The following PTPRN2 variants were observed in gnomAD, a reference collection of about 807,000 sequenced individuals.
The protein encoded by PTPRN2 is receptor-type tyrosine-protein phosphatase N2.
A neutral mutation model predicts 118.8 loss-of-function variants in PTPRN2; 74 were observed. That is an observed-to-expected ratio of 0.62 (90% CI 0.52 to 0.76). The LOEUF (loss-of-function observed/expected upper bound fraction) is 0.76. Among genes scored for constraint, PTPRN2 ranks in the 30% least tolerant of loss-of-function variants. PTPRN2 has a pLI of 0.00. For missense variants in PTPRN2, 1,481 were observed against 1,394.4 expected, an observed-to-expected ratio of 1.06 and a Z score of -0.99; for synonymous variants, 641 against 608.0, an observed-to-expected ratio of 1.05 and a Z score of -0.80.
intron 13 of PTPRN2, among the ~76,000 whole-genome samples, chr7:157,677,955 G>A (rs928908191): frequency 3.3e-5 from 5 of 152,170 alleles, no homozygotes; most frequent in South Asian, 2.1e-4. Context: ...CTGCAAAACC[G>A]AATCCACGTC....
chr7:158,579,110 A>T (rs1828499864), intron 1 of PTPRN2, among the ~76,000 whole-genome samples: 1 of 152,188 alleles, frequency 6.6e-6, no homozygotes. Flanking sequence ...CAAAGGGATG[A>T]TGTGAAATAA....
intron 15 of PTPRN2, among the ~76,000 whole-genome samples, chr7:157,605,991 T>C (rs1475818147): frequency 7.9e-5 from 12 of 152,246 alleles, no homozygotes; most frequent in Non-Finnish European, 1.8e-4. Flanking sequence ...CTGCCATTCA[T>C]GGCACCCAGG....
chr7:158,185,805 A>G (rs1211417968), intron 5 of PTPRN2, among the ~76,000 whole-genome samples: 2 of 152,182 alleles, frequency 1.3e-5, no homozygotes, highest in Non-Finnish European at 1.5e-5. Flanking sequence ...AGGTTTCTGA[A>G]CCATGGGGGA....
chr7:157,846,883 T>C (rs1282129259), intron 12 of PTPRN2, among the ~76,000 whole-genome samples: 4 of 139,112 alleles, frequency 2.9e-5, no homozygotes, highest in African/African-American at 5.5e-5. Flanking sequence ...TGCCCGATGT[T>C]TACAGAGCCC....
chr7:158,151,495 C>A, intron 6 of PTPRN2, among the ~76,000 whole-genome samples: 1 of 117,584 alleles, frequency 8.5e-6, no homozygotes, highest in African/African-American at 3.2e-5. Flanking sequence ...CCTGCCCACA[C>A]CGCCCGCCTT....
chr7:157,873,750 G>C (rs2151269119), intron 12 of PTPRN2, among the ~76,000 whole-genome samples: 1 of 152,246 alleles, frequency 6.6e-6, no homozygotes, highest in African/African-American at 2.4e-5. Context: ...CTCTGGGATG[G>C]GCAGAGGGCC....
chr7:158,359,705 A>G (rs1207156283), intron 2 of PTPRN2, among the ~76,000 whole-genome samples: 1 of 152,226 alleles, frequency 6.6e-6, no homozygotes, highest in Admixed American at 6.5e-5. Context: ...AACATTAATG[A>G]GCAGTAATGT....
intron 11 of PTPRN2, among the ~76,000 whole-genome samples, chr7:158,067,727 G>A (rs1444576169): frequency 1.3e-5 from 2 of 152,150 alleles, no homozygotes; most frequent in African/African-American, 2.4e-5. Context: ...GTGAGTGAGT[G>A]AGCACTGTTC....
intron 12 of PTPRN2, among the ~76,000 whole-genome samples, chr7:157,862,282 A>C (rs1027099212): frequency 6.6e-6 from 1 of 152,190 alleles, no homozygotes; most frequent in Non-Finnish European, 1.5e-5. Flanking sequence ...GGACTTCAAC[A>C]TATCTTTCTG....
intron 1 of PTPRN2, among the ~76,000 whole-genome samples, chr7:158,543,837 C>T (rs1037724535): frequency 6.6e-6 from 1 of 152,228 alleles, no homozygotes; most frequent in South Asian, 2.1e-4. Context: ...GTCTGGGTCT[C>T]GGAGCCCAGG....
chr7:158,342,102 G>C (rs1293862998), intron 2 of PTPRN2, among the ~76,000 whole-genome samples: 11 of 139,688 alleles, frequency 7.9e-5, no homozygotes, highest in South Asian at 2.3e-4. Flanking sequence ...ACCTGCAGAC[G>C]TCACTCACAC....
intron 3 of PTPRN2, among the ~76,000 whole-genome samples, chr7:158,206,117 G>A (rs1827123665): frequency 6.6e-6 from 1 of 152,140 alleles, no homozygotes; most frequent in Non-Finnish European, 1.5e-5. Flanking sequence ...GGGTGCTAGT[G>A]TCACCCTTCC....
rs1342688435 is a variant in PTPRN2 at position 157,763,852 on chromosome 7, G to T, written c.1789-80915C>A. On this transcript the variant is annotated intron_variant, in intron 12 of 22. Coordinates refer to ENST00000389418, the MANE Select transcript of PTPRN2 (RefSeq NM_002847.5). The surrounding 1 kb of genome is among the most constrained non-coding windows in gnomAD (Gnocchi z 4.9). The stretch of plus-strand genomic sequence containing the variant: ...TGTGTGGCCACTGCCCCATGTGGCT[G>T]CCCCATCCCCCAGAGCACCACGGTG... Among the ~76,000 whole-genome samples the T allele has an allele frequency of 2.0e-5, 3 of 152,032 alleles. No homozygotes were observed. The highest frequency in any genetic ancestry group is 6.5e-5 in the Admixed American group (1 of 15,274).
chr7:158,143,765 T>A (rs551083954), intron 6 of PTPRN2, among the ~76,000 whole-genome samples: 1 of 152,220 alleles, frequency 6.6e-6, no homozygotes, highest in African/African-American at 2.4e-5. Flanking sequence ...CCTCCAAGTG[T>A]GGTAGAACAA....
intron 11 of PTPRN2, among the ~76,000 whole-genome samples, chr7:158,009,078 A>T (rs1432390601): frequency 6.6e-6 from 1 of 152,076 alleles, no homozygotes; most frequent in East Asian, 1.9e-4. Flanking sequence ...CATAGCAGGA[A>T]TTCTTCTCAT....
At chr7:158,244,903 CA>C (rs901235149) in intron 3 of PTPRN2, among the ~76,000 whole-genome samples, 3 of 152,160 alleles carry the variant, frequency 2.0e-5, no homozygotes, top group Non-Finnish European at 2.9e-5. Context: ...CAGTGTCTCC[CA>C]GTGTGACAGA....
chr7:158,134,272 A>G lies in PTPRN2; in HGVS notation c.1174-213T>C, dbSNP rs566618976. 5.9e-5 allele frequency among the ~76,000 whole-genome samples: 9 copies of G among 152,246 alleles called. No individual in the cohort carries two copies. The East Asian group carries it at 1.4e-3, about 23-fold the overall frequency. On this transcript the variant is annotated intron_variant, in intron 8 of 22. Transcript: ENST00000389418. ...AGGGCGCTGAGTATCCGAATCACTT[A>G]CGTGCTGTTTTCTCCTCCCTCCCGC...
rs997516034 is a variant in PTPRN2 at position 157,615,286 on chromosome 7, C to A, written c.2344+6076G>T. On this transcript the variant is annotated intron_variant, in intron 15 of 22. Coordinates refer to ENST00000389418, the MANE Select transcript of PTPRN2 (RefSeq NM_002847.5). The surrounding 1 kb of genome is among the most constrained non-coding windows in gnomAD (Gnocchi z 4.3). ...CCACACTTCTGCTCCAGAGAGGGCC[C>A]TGCAAGAGCGGTGTGCGTGGGTTGC... is the stretch of plus-strand genomic sequence containing the variant. 5.5e-6 allele frequency: 2 copies of A among 363,194 alleles called. No homozygotes were observed. The highest frequency in any genetic ancestry group is 4.3e-5 in the African/African-American group (2 of 46,956). 22.5% of individuals were successfully genotyped at this position (363,194 alleles called of 1,614,324 possible). A position where few individuals can be genotyped will look rare whatever the true frequency, so the allele number is the denominator to read the frequency against.
At chr7:157,556,197 G>A (rs182587945) in intron 21 of PTPRN2, among the ~76,000 whole-genome samples, 14 of 152,242 alleles carry the variant, frequency 9.2e-5, no homozygotes, top group East Asian at 1.9e-4. Context: ...CACACTACAC[G>A]CATGCAGATA....
Sources: gnomAD v4.1 joint callset for allele counts (sites outside exome capture counted in the v4.1 genomes callset) on GRCh38, gnomAD v4.1.1 for gene constraint, Gnocchi (gnomAD v3.1) non-coding constraint, MANE v1.5 for transcripts, NCBI Gene and HGNC (gene_info 2026-07-23, HGNC 2026-07-21) for gene names.